ITGB3BP: variants seen among roughly 807,000 people sequenced by gnomAD.
ITGB3BP encodes the protein centromere protein R.
Under a neutral mutation model 29.1 loss-of-function variants are expected in ITGB3BP, and 27 were observed. The observed-to-expected ratio is 0.93, with a 90% confidence interval of 0.68 to 1.28. The LOEUF is 1.28. Among genes scored for constraint, ITGB3BP ranks in the 50% most tolerant of loss-of-function variants. ITGB3BP has a pLI of 0.00. For missense variants in ITGB3BP, 192 were observed against 200.2 expected (o/e 0.96, Z 0.25); for synonymous variants, 61 against 61.4 (o/e 0.99, Z 0.03).
intron 1 of ITGB3BP, among the ~76,000 whole-genome samples, chr1:63,521,958 A>T (rs1280515942): frequency 6.6e-6 from 1 of 152,090 alleles, no homozygotes; most frequent in Non-Finnish European, 1.5e-5. Context: ...AGCTTTGTTT[A>T]TTTGAGAACT....
chr1:63,476,586 T>C (rs943559424), intron 4 of ITGB3BP, among the ~76,000 whole-genome samples: 1 of 152,228 alleles, frequency 6.6e-6, no homozygotes, highest in African/African-American at 2.4e-5. Context: ...ATGGGAGCTA[T>C]TGTTTTAAAA....
chr1:63,483,697 TAAC>T (rs1239408985), intron 3 of ITGB3BP, among the ~76,000 whole-genome samples: 4 of 152,194 alleles, frequency 2.6e-5, no homozygotes, highest in African/African-American at 4.8e-5. Context: ...ATGAGCAGTA[TAAC>T]AACATTTTGG....
At position 63,490,131 on chromosome 1, in the gene ITGB3BP, A is replaced by G. The variant is rs1392940901; in HGVS notation, c.136T>C (p.Ser46Pro). The G allele has an allele frequency of 6.2e-7, 1 of 1,610,042 alleles. No individual in the cohort carries two copies. Among genetic ancestry groups the G allele is most frequent in the East Asian group, 2.2e-5 (1 of 44,748 alleles). Residue 46 changes from serine (S) to proline (P), a missense_variant, in exon 3 of 9, where the codon TCT (serine) becomes CCT (proline). Ser to Pro is a moderately conservative substitution (Grantham distance 74). Coordinates refer to ENST00000271002, the MANE Select transcript of ITGB3BP (RefSeq NM_014288.5). The stretch of plus-strand genomic sequence containing the variant: ...TTTTGCTCTTCAGAACTTGTGGGAG[A>G]AGCAAATAGACTCATTTGACAAGTT... Reference protein sequence around the residue: ...TGTCQMSLFASPTSSEEQKHR... With the variant: ...TGTCQMSLFAPPTSSEEQKHR...
At chr1:63,507,972 G>A (rs1253863502) in intron 2 of ITGB3BP, among the ~76,000 whole-genome samples, 4 of 152,080 alleles carry the variant, frequency 2.6e-5, no homozygotes, top group African/African-American at 4.8e-5. Flanking sequence ...ATGATATGCT[G>A]GCACTGGGAA....
upstream of ITGB3BP, among the ~76,000 whole-genome samples, chr1:63,525,204 G>A (rs1228182536): frequency 2.0e-5 from 3 of 152,026 alleles, no homozygotes; most frequent in East Asian, 5.8e-4. Context: ...TCTGACTTTC[G>A]TATTTTGAGA....
chr1:63,457,601 A>G (rs1283467158), intron 4 of ITGB3BP: 1 of 152,184 alleles, frequency 6.6e-6, no homozygotes, highest in Non-Finnish European at 1.5e-5. Context: ...TTATGGTACA[A>G]AATTTCAAAG....
intron 2 of ITGB3BP, among the ~76,000 whole-genome samples, chr1:63,503,436 A>G (rs545735882): frequency 2.0e-4 from 31 of 152,234 alleles, no homozygotes; most frequent in Admixed American, 1.8e-3. Context: ...AGTAGATTGC[A>G]AAAATTTTCT....
At chr1:63,476,022 A>T (rs2100613477) in intron 4 of ITGB3BP, among the ~76,000 whole-genome samples, 2 of 148,426 alleles carry the variant, frequency 1.3e-5, no homozygotes, top group African/African-American at 2.5e-5. Context: ...AAAGAAACGT[A>T]TCATTTTCTT....
chr1:63,452,395 G>T (rs1255432998), intron 7 of ITGB3BP, among the ~76,000 whole-genome samples: 2 of 152,066 alleles, frequency 1.3e-5, no homozygotes, highest in Admixed American at 1.3e-4. Context: ...TTCCAGTTGG[G>T]AAATAATAAA....
intron 1 of ITGB3BP, chr1:63,510,227 A>T (rs947444942): frequency 2.1e-6 from 1 of 475,976 alleles, no homozygotes; most frequent in Admixed American, 3.5e-5. Flanking sequence ...TAAAAAACTA[A>T]AGTTAAACAG....
chr1:63,516,067 G>A (rs985202772), intron 1 of ITGB3BP, among the ~76,000 whole-genome samples: 4 of 151,428 alleles, frequency 2.6e-5, no homozygotes, highest in Non-Finnish European at 4.4e-5. Context: ...GAATGATACC[G>A]TGTTGTTCTG....
intron 7 of ITGB3BP, among the ~76,000 whole-genome samples, chr1:63,453,375 A>G (rs1198492208): frequency 6.6e-6 from 1 of 152,178 alleles, no homozygotes; most frequent in Non-Finnish European, 1.5e-5. Flanking sequence ...TTGCTATTTT[A>G]CAGTTCATGA....
rs540511121 is a variant in ITGB3BP at position 63,442,459 on chromosome 1, G to A, written c.*2-1356C>T. ...ATTGTGCTGACCTGCAGTCAAGCAT[G>A]TAAAAGGCAGGCTTGTGGTCTTCAC... On this transcript the variant is annotated intron_variant, in intron 8 of 8. Coordinates refer to ENST00000271002, the MANE Select transcript of ITGB3BP (RefSeq NM_014288.5). The A allele has an allele frequency of 2.0e-5, 3 of 152,324 alleles. No individual in the cohort carries two copies. The South Asian group carries it at 6.2e-4, about 32-fold the overall frequency. The allele number at this position is 152,324 out of a possible 1,614,324, so 9.4% of individuals were successfully genotyped here.
At chr1:63,462,163 A>G (rs1188624265) in intron 4 of ITGB3BP, among the ~76,000 whole-genome samples, 1 of 152,200 alleles carries the variant, frequency 6.6e-6, no homozygotes, top group African/African-American at 2.4e-5. Flanking sequence ...TTCAAAAATG[A>G]ATTGTAGTTT....
At chr1:63,470,502 C>T (rs1645177696) in intron 4 of ITGB3BP, among the ~76,000 whole-genome samples, 1 of 152,220 alleles carries the variant, frequency 6.6e-6, no homozygotes, top group African/African-American at 2.4e-5. Context: ...TTTTATACTT[C>T]ATACAAATGG....
chr1:63,465,729 C>T (rs1645088840), intron 4 of ITGB3BP, among the ~76,000 whole-genome samples: 1 of 152,076 alleles, frequency 6.6e-6, no homozygotes. Flanking sequence ...AGCATCTTTT[C>T]TCCATGAACT....
intron 8 of ITGB3BP, chr1:63,443,187 G>GGGCA (rs1644750962): frequency 6.6e-6 from 1 of 152,344 alleles, no homozygotes; most frequent in Non-Finnish European, 1.5e-5. Flanking sequence ...CAGGAGTACT[G>GGGCA]TCAGGTTTCT....
chr1:63,518,581 TTTTC>T lies in ITGB3BP; in HGVS notation c.5+4544_5+4547del, dbSNP rs1192454279. 5.6e-4 allele frequency among the ~76,000 whole-genome samples: 85 copies of T among 151,944 alleles called. 1 individual carries two copies. Among genetic ancestry groups the T allele is most frequent in the African/African-American group, 1.8e-3 (73 of 41,536 alleles). On this transcript the variant is annotated intron_variant, in intron 1 of 8. Transcript: ENST00000271002. ...ACTGTTATATCTACCTTTCCCTTTC[TTTTC>T]TTTCTTTTTTTTTTTTAACTTTCAA...
At chr1:63,522,780 G>T (rs1646484588) in intron 1 of ITGB3BP, among the ~76,000 whole-genome samples, 1 of 152,306 alleles carries the variant, frequency 6.6e-6, no homozygotes, top group African/African-American at 2.4e-5. Flanking sequence ...ATTAATGAAG[G>T]CAAGGGACTG....
Sources: allele counts gnomAD v4.1 joint callset (sites outside exome capture counted in the v4.1 genomes callset), GRCh38; gene constraint gnomAD v4.1.1; transcripts MANE v1.5; gene names NCBI Gene and HGNC (gene_info 2026-07-23, HGNC 2026-07-21).